The following GPM6A variants were observed in gnomAD, a reference collection of about 807,000 sequenced individuals.
GPM6A encodes the protein glycoprotein M6A.
A neutral mutation model predicts 32.1 loss-of-function variants in GPM6A; 7 were observed. The ratio of observed to expected loss-of-function variants is 0.22; its 90% confidence interval spans 0.12 to 0.41. GPM6A has a LOEUF of 0.41. Ranked by LOEUF, GPM6A falls within the 10% of genes least tolerant of loss-of-function variation. GPM6A has a pLI of 1.00. For missense variants in GPM6A, 235 were observed against 347.2 expected (o/e 0.68, Z 2.57); for synonymous variants, 130 against 123.4 (o/e 1.05, Z -0.35).
intron 1 of GPM6A, among the ~76,000 whole-genome samples, chr4:175,922,628 G>A (rs1738705438): frequency 6.6e-6 from 1 of 152,152 alleles, no homozygotes; most frequent in Admixed American, 6.5e-5. Flanking sequence ...AAGGAAGAAA[G>A]CAATTCAAGA....
chr4:175,648,072 C>G (rs1400961370), intron 4 of GPM6A, among the ~76,000 whole-genome samples: 3 of 151,592 alleles, frequency 2.0e-5, no homozygotes, highest in Non-Finnish European at 2.9e-5. Context: ...CATATTTATG[C>G]TTTACATAGT....
intron 1 of GPM6A, among the ~76,000 whole-genome samples, chr4:175,757,163 A>T (rs1370834207): frequency 6.6e-6 from 1 of 152,016 alleles, no homozygotes; most frequent in African/African-American, 2.4e-5. Context: ...TATACAGGGG[A>T]GTGCTGCTTC....
intron 1 of GPM6A, among the ~76,000 whole-genome samples, chr4:175,745,786 C>G (rs371015430): frequency 6.6e-6 from 1 of 152,026 alleles, no homozygotes; most frequent in African/African-American, 2.4e-5. Context: ...GTGTACGTTG[C>G]GAAGTAAGAA....
chr4:175,748,666 A>G (rs2111183034), intron 1 of GPM6A, among the ~76,000 whole-genome samples: 1 of 152,270 alleles, frequency 6.6e-6, no homozygotes, highest in South Asian at 2.1e-4. Flanking sequence ...AGATTTTTGG[A>G]GTGATAAATA....
intron 1 of GPM6A, among the ~76,000 whole-genome samples, chr4:175,843,595 T>A (rs1034370493): frequency 6.6e-6 from 1 of 152,202 alleles, no homozygotes; most frequent in Non-Finnish European, 1.5e-5. Context: ...GCGAGCTTCA[T>A]AGGCAGGCAA....
intron 1 of GPM6A, among the ~76,000 whole-genome samples, chr4:175,822,550 C>T (rs1351559537): frequency 1.3e-5 from 2 of 152,052 alleles, no homozygotes; most frequent in Non-Finnish European, 2.9e-5. Context: ...TGTTCATAAA[C>T]ATATGCATTG....
chr4:175,774,100 A>G (rs1733300638), intron 1 of GPM6A, among the ~76,000 whole-genome samples: 1 of 152,076 alleles, frequency 6.6e-6, no homozygotes, highest in Non-Finnish European at 1.5e-5. Context: ...ATTAAGGTCA[A>G]TCAAGTTTCA....
chr4:175,957,579 G>A (rs971266742), intron 1 of GPM6A, among the ~76,000 whole-genome samples: 6 of 152,048 alleles, frequency 3.9e-5, no homozygotes, highest in African/African-American at 1.2e-4. Flanking sequence ...GGGTGGGTAG[G>A]GGAGTGATAG....
At chr4:175,826,567 G>A (rs140679614) in intron 1 of GPM6A, among the ~76,000 whole-genome samples, 342 of 152,276 alleles carry the variant, frequency 2.2e-3, no homozygotes, top group African/African-American at 8.0e-3. Flanking sequence ...AAGATGGAAC[G>A]GAAAACTGGG....
At chr4:175,916,794 T>C (rs1010298217) in intron 1 of GPM6A, among the ~76,000 whole-genome samples, 3 of 152,160 alleles carry the variant, frequency 2.0e-5, no homozygotes, top group Non-Finnish European at 4.4e-5. Context: ...GCGTTTCAGG[T>C]AACCAAGTCT....
chr4:175,637,243 A>C (rs28781940), intron 6 of GPM6A, among the ~76,000 whole-genome samples: 10 of 85,272 alleles, frequency 1.2e-4, no homozygotes, highest in Admixed American at 2.0e-4. Context: ...TATATTATAT[A>C]TTATATATAA....
intron 1 of GPM6A, among the ~76,000 whole-genome samples, chr4:175,716,659 A>T (rs530189541): frequency 6.6e-6 from 1 of 152,328 alleles, no homozygotes; most frequent in African/African-American, 2.4e-5. Context: ...AAACAACAAC[A>T]GAGAAAGAGT....
intron 3 of GPM6A, among the ~76,000 whole-genome samples, chr4:175,671,922 GC>G (rs1743096146): frequency 4.1e-5 from 1 of 24,568 alleles, no homozygotes; most frequent in Non-Finnish European, 4.3e-4. Flanking sequence ...AGCCCACGCA[GC>G]AGCTGCTGCC....
intron 1 of GPM6A, among the ~76,000 whole-genome samples, chr4:175,868,090 A>G (rs953849510): frequency 4.6e-5 from 7 of 152,190 alleles, no homozygotes; most frequent in Admixed American, 3.3e-4. Context: ...TTTGGTCCCC[A>G]GAGTTGTCCA....
intron 2 of GPM6A, among the ~76,000 whole-genome samples, chr4:175,681,813 C>T (rs1388366151): frequency 6.6e-6 from 1 of 152,148 alleles, no homozygotes; most frequent in East Asian, 1.9e-4. Flanking sequence ...AATCTCTTTA[C>T]TAATTGCCCA....
intron 1 of GPM6A, among the ~76,000 whole-genome samples, chr4:175,970,106 G>T (rs1340891313): frequency 6.6e-6 from 1 of 152,080 alleles, no homozygotes; most frequent in African/African-American, 2.4e-5. Context: ...TTTCATCAAA[G>T]AAAACTTCTC....
intron 1 of GPM6A, among the ~76,000 whole-genome samples, chr4:175,751,751 T>C (rs971902146): frequency 6.6e-6 from 1 of 151,874 alleles, no homozygotes; most frequent in Non-Finnish European, 1.5e-5. Flanking sequence ...ACCTGTTTTT[T>C]TTTTTGTTGT....
intron 6 of GPM6A, among the ~76,000 whole-genome samples, chr4:175,636,541 A>G (rs2110862833): frequency 6.6e-6 from 1 of 150,740 alleles, no homozygotes; most frequent in East Asian, 1.9e-4. Context: ...CACGCCTGTA[A>G]TCCCAGCACT....
At chr4:175,980,067 C>A in intron 1 of GPM6A, among the ~76,000 whole-genome samples, 1 of 152,132 alleles carries the variant, frequency 6.6e-6, no homozygotes, top group East Asian at 1.9e-4. Context: ...TACAACAAAC[C>A]TTGAATTAAG....
Sources: gnomAD v4.1 joint callset for allele counts (sites outside exome capture counted in the v4.1 genomes callset) on GRCh38, gnomAD v4.1.1 for gene constraint, MANE v1.5 for transcripts, NCBI Gene and HGNC (gene_info 2026-07-23, HGNC 2026-07-21) for gene names.